The following PTPRD variants were observed in gnomAD, a reference collection of about 807,000 sequenced individuals.
The protein encoded by PTPRD is protein tyrosine phosphatase receptor type D.
A neutral mutation model predicts 214.5 loss-of-function variants in PTPRD; 34 were observed. The observed-to-expected ratio is 0.16, with a 90% CI of 0.12 to 0.21. PTPRD has a LOEUF of 0.21. PTPRD is among the 10% of genes least tolerant of loss of function. The pLI, the probability that PTPRD is intolerant of heterozygous loss-of-function variation, is 1.00. For missense variants in PTPRD, 2,545 were observed against 2,398.7 expected, an observed-to-expected ratio of 1.06 and a Z score of -1.27; for synonymous variants, 1,128 against 845.7, an observed-to-expected ratio of 1.33 and a Z score of -5.79.
intron 2 of PTPRD, among the ~76,000 whole-genome samples, chr9:10,405,870 C>T (rs1355824292): frequency 6.6e-6 from 1 of 151,204 alleles, no homozygotes; most frequent in East Asian, 2.0e-4. Context: ...TATAGGAATA[C>T]ATAATATAAA....
At chr9:8,599,610 ACC>A (rs1207302429) in intron 14 of PTPRD, among the ~76,000 whole-genome samples, 2 of 54,434 alleles carry the variant, frequency 3.7e-5, no homozygotes, top group Non-Finnish European at 6.7e-5. Flanking sequence ...CCACCCGCCC[ACC>A]CTTTTTTTTT....
chr9:8,331,827 T>G, intron 43 of PTPRD, 91 bp from the exon 44 acceptor site: 1 of 1,431,278 alleles, frequency 7.0e-7, no homozygotes, highest in Non-Finnish European at 9.2e-7. Context: ...CATTTTCATT[T>G]CCCGAAAACA....
At chr9:9,602,701 T>C (rs563013977) in intron 7 of PTPRD, among the ~76,000 whole-genome samples, 88 of 152,064 alleles carry the variant, frequency 5.8e-4, no homozygotes, top group Non-Finnish European at 1.0e-3. Context: ...TCACATGTTG[T>C]TTCTCTAGTG....
chr9:8,482,182 T>G, intron 30 of PTPRD, among the ~76,000 whole-genome samples: 1 of 152,172 alleles, frequency 6.6e-6, no homozygotes, highest in Admixed American at 6.5e-5. Flanking sequence ...TACTTCTGAA[T>G]TTTTTTATCC....
intron 12 of PTPRD, among the ~76,000 whole-genome samples, chr9:8,694,235 C>G (rs1306271200): frequency 6.6e-6 from 1 of 151,752 alleles, no homozygotes; most frequent in East Asian, 1.9e-4. Context: ...CTTCTTTTGC[C>G]TCAAGAAGGA....
intron 6 of PTPRD, among the ~76,000 whole-genome samples, chr9:9,757,073 C>T (rs1290380450): frequency 2.0e-5 from 3 of 152,126 alleles, no homozygotes; most frequent in Middle Eastern, 3.2e-3. Context: ...AGATGGTCTA[C>T]TTAGTATGAC....
intron 8 of PTPRD, among the ~76,000 whole-genome samples, chr9:9,424,286 T>G (rs1356141824): frequency 6.6e-6 from 1 of 152,210 alleles, no homozygotes; most frequent in Non-Finnish European, 1.5e-5. Context: ...CCCAAATTCT[T>G]ATCTCAGAGT....
intron 2 of PTPRD, among the ~76,000 whole-genome samples, chr9:10,473,132 T>A (rs371892719): frequency 6.6e-6 from 1 of 152,062 alleles, no homozygotes; most frequent in East Asian, 1.9e-4. Context: ...ACATAGAAAT[T>A]TGGTGTTCTT....
At chr9:9,900,613 A>G (rs139674828) in intron 5 of PTPRD, among the ~76,000 whole-genome samples, 56 of 149,550 alleles carry the variant, frequency 3.7e-4, no homozygotes, top group African/African-American at 1.3e-3. Context: ...CCTGTTACCC[A>G]GTTCCAAAGG....
chr9:8,883,737 T>C (rs1182931872), intron 11 of PTPRD, among the ~76,000 whole-genome samples: 1 of 152,194 alleles, frequency 6.6e-6, no homozygotes, highest in Non-Finnish European at 1.5e-5. Context: ...TATTTTCATT[T>C]TTCAAATCAC....
chr9:8,707,609 G>C (rs1302668652), intron 12 of PTPRD, among the ~76,000 whole-genome samples: 1 of 152,188 alleles, frequency 6.6e-6, no homozygotes, highest in Non-Finnish European at 1.5e-5. Flanking sequence ...AGTAGTCTAA[G>C]TTCTAGTTTT....
At chr9:9,808,081 T>A (rs950610220) in intron 5 of PTPRD, among the ~76,000 whole-genome samples, 8 of 152,174 alleles carry the variant, frequency 5.3e-5, no homozygotes, top group African/African-American at 1.2e-4. Context: ...AATATATGAA[T>A]ATATGAGATT....
intron 10 of PTPRD, among the ~76,000 whole-genome samples, chr9:9,078,320 C>A (rs1591196406): frequency 6.6e-6 from 1 of 152,006 alleles, no homozygotes; most frequent in African/African-American, 2.4e-5. Context: ...AAAATCATGG[C>A]CCATCCTTAA....
intron 10 of PTPRD, among the ~76,000 whole-genome samples, chr9:9,019,086 A>T (rs779794846): frequency 6.6e-6 from 1 of 152,116 alleles, no homozygotes; most frequent in South Asian, 2.1e-4. Context: ...AACTTGTGCT[A>T]GAAAAACCTA....
intron 2 of PTPRD, among the ~76,000 whole-genome samples, chr9:10,533,933 C>T (rs1279320889): frequency 1.3e-5 from 2 of 151,020 alleles, no homozygotes; most frequent in Admixed American, 6.6e-5. Context: ...TAAAATTGCT[C>T]AGTTAAAAGT....
intron 7 of PTPRD, among the ~76,000 whole-genome samples, chr9:9,669,110 C>T (rs1003941572): frequency 2.6e-5 from 4 of 151,926 alleles, no homozygotes; most frequent in African/African-American, 9.7e-5. Flanking sequence ...TATCATTATA[C>T]TTTAAGTTTT....
chr9:8,951,799 C>A (rs1193092735), intron 11 of PTPRD, among the ~76,000 whole-genome samples: 4 of 152,018 alleles, frequency 2.6e-5, no homozygotes, highest in Admixed American at 1.3e-4. Context: ...TGACAAGAAT[C>A]ATTTTGTTTC....
chr9:9,498,039 A>G (rs2096265123), intron 8 of PTPRD, among the ~76,000 whole-genome samples: 1 of 152,124 alleles, frequency 6.6e-6, no homozygotes, highest in African/African-American at 2.4e-5. Context: ...AGTTTTGCAC[A>G]TTCAAAGGGA....
chr9:9,484,790 A>G (rs560072861), intron 8 of PTPRD, among the ~76,000 whole-genome samples: 1 of 152,238 alleles, frequency 6.6e-6, no homozygotes, highest in South Asian at 2.1e-4. Flanking sequence ...TGGAGCCTAC[A>G]GTCTTGACCA....
Sources: allele counts gnomAD v4.1 joint callset (sites outside exome capture counted in the v4.1 genomes callset), GRCh38; gene constraint gnomAD v4.1.1; transcripts MANE v1.5; gene names NCBI Gene and HGNC (gene_info 2026-07-23, HGNC 2026-07-21).